Variants in MICAL3 observed in about 807,000 individuals in gnomAD.
The protein encoded by MICAL3 is microtubule associated monooxygenase, calponin and LIM domain containing 3, also known as [F-actin]-monooxygenase MICAL3.
Under a neutral mutation model 207.4 loss-of-function variants are expected in MICAL3, and 62 were observed. The ratio of observed to expected loss-of-function variants is 0.30; its 90% CI spans 0.24 to 0.37. The LOEUF (loss-of-function observed/expected upper bound fraction) is 0.37. Ranked by LOEUF, MICAL3 falls within the 10% of genes least tolerant of loss-of-function variation. The pLI is 1.00. For synonymous variants in MICAL3, 1,077 were observed against 1,069.3 expected (o/e 1.01, Z -0.14); for missense variants, 2,368 against 2,635.6 (o/e 0.90, Z 2.22).
At chr22:17,983,957 T>C (rs1456142536) in intron 1 of MICAL3, among the ~76,000 whole-genome samples, 3 of 152,134 alleles carry the variant, frequency 2.0e-5, no homozygotes, top group African/African-American at 7.2e-5. Flanking sequence ...TATGAAAAAG[T>C]AAATGGGGCA....
intron 16 of MICAL3, chr22:17,876,835 TTA>T (rs1928508981): frequency 2.3e-5 from 3 of 133,064 alleles, no homozygotes; most frequent in East Asian, 2.1e-4. Context: ...GTTATGGAGG[TTA>T]GGGAGGTTAG....
intron 19 of MICAL3, among the ~76,000 whole-genome samples, chr22:17,843,098 G>A (rs1451405772): frequency 8.0e-6 from 1 of 125,242 alleles, no homozygotes; most frequent in Non-Finnish European, 1.6e-5. Flanking sequence ...TCCAGCCTGG[G>A]TGACAAAGCG....
chr22:17,969,568 T>G (rs1935309248), intron 1 of MICAL3, among the ~76,000 whole-genome samples: 1 of 152,182 alleles, frequency 6.6e-6, no homozygotes, highest in African/African-American at 2.4e-5. Flanking sequence ...CCACCTTTAT[T>G]CCTTTTTTGG....
intron 29 of MICAL3, among the ~76,000 whole-genome samples, chr22:17,805,551 AGAGAT>A (rs1341165548): frequency 6.6e-6 from 1 of 152,232 alleles, no homozygotes; most frequent in African/African-American, 2.4e-5. Context: ...ATCTTTGGAT[AGAGAT>A]ATCTGCTGAA....
At chr22:17,810,601 G>T in intron 28 of MICAL3, 102 bp downstream of exon 28, 1 of 952,076 alleles carries the variant, frequency 1.1e-6, no homozygotes, top group Non-Finnish European at 1.6e-6. Context: ...CCTCTGCTCT[G>T]CTCTGCACTG....
At chr22:17,845,221 T>C (rs1188636138) in intron 19 of MICAL3, among the ~76,000 whole-genome samples, 3 of 152,142 alleles carry the variant, frequency 2.0e-5, no homozygotes, top group African/African-American at 7.2e-5. Flanking sequence ...GAACTATCAC[T>C]TCAGGGAAAC....
chr22:17,834,057 T>C (rs1923096821), intron 20 of MICAL3, among the ~76,000 whole-genome samples: 1 of 152,206 alleles, frequency 6.6e-6, no homozygotes. Context: ...CTGTGGGTGA[T>C]TCTGGGAGAC....
rs533955115 is a variant in MICAL3, at chr22:17,860,691, G to T, written c.2605+4208C>A. ...AGGCGGGTGCCCGGCTCTCCGTGGT[G>T]TCCTGGCAGCAGCAGCCCCCTGCGT... On this transcript the variant is annotated intron_variant, in intron 19 of 31. Transcript: ENST00000441493. The T allele has an allele frequency of 1.7e-5, 17 of 985,460 alleles. No individual in the cohort carries two copies. The African/African-American group carries it at 2.1e-4, about 12-fold the overall frequency. The allele number at this position is 985,460 out of a possible 1,614,324, so 61.0% of individuals were successfully genotyped here.
intron 1 of MICAL3, among the ~76,000 whole-genome samples, chr22:17,941,037 C>T (rs976040456): frequency 6.6e-6 from 1 of 152,182 alleles, no homozygotes; most frequent in African/African-American, 2.4e-5. Flanking sequence ...GCATGAGATG[C>T]TCAGTTATGC....
chr22:18,021,289 C>T (rs1482546003), intron 1 of MICAL3, among the ~76,000 whole-genome samples: 1 of 152,236 alleles, frequency 6.6e-6, no homozygotes. Context: ...ACATGGCTGG[C>T]CTGCCCTGTC....
intron 19 of MICAL3, among the ~76,000 whole-genome samples, chr22:17,856,685 A>C (rs1260610612): frequency 7.3e-6 from 1 of 137,832 alleles, no homozygotes; most frequent in Non-Finnish European, 1.5e-5. Flanking sequence ...GCAGTGGCGC[A>C]ATCTCGGCTC....
At chr22:17,878,141 C>T (rs968223952) in intron 16 of MICAL3, among the ~76,000 whole-genome samples, 11 of 152,218 alleles carry the variant, frequency 7.2e-5, no homozygotes, top group Admixed American at 2.6e-4. Context: ...GCCTGAGCCA[C>T]CGCACCCGGC....
chr22:17,982,115 A>T (rs1935937355), intron 1 of MICAL3, among the ~76,000 whole-genome samples: 1 of 151,698 alleles, frequency 6.6e-6, no homozygotes, highest in African/African-American at 2.4e-5. Context: ...AAAAAATAAA[A>T]AAAAAAAAAT....
At chr22:17,967,496 A>ACACACC (rs1935202676) in intron 1 of MICAL3, among the ~76,000 whole-genome samples, 1 of 141,910 alleles carries the variant, frequency 7.0e-6, no homozygotes, top group African/African-American at 2.6e-5. Flanking sequence ...ACACACACCC[A>ACACACC]CACACACCCA....
At chr22:17,821,634 G>T (rs1337324243) in intron 24 of MICAL3, 125 bp from the exon 25 acceptor site, 18 of 760,910 alleles carry the variant, frequency 2.4e-5, no homozygotes, top group Non-Finnish European at 3.4e-5. Context: ...TCGGCTCCCA[G>T]TTCTCCTGGA....
At chr22:17,799,592 C>T in intron 29 of MICAL3, among the ~76,000 whole-genome samples, 1 of 152,178 alleles carries the variant, frequency 6.6e-6, no homozygotes, top group Non-Finnish European at 1.5e-5. Context: ...TTGGTGGGCA[C>T]CACCAATGCC....
intron 19 of MICAL3, among the ~76,000 whole-genome samples, chr22:17,858,063 T>C (rs1181132130): frequency 6.6e-6 from 1 of 152,226 alleles, no homozygotes; most frequent in African/African-American, 2.4e-5. Flanking sequence ...AAAATGGAGC[T>C]GGTGTTCACG....
intron 25 of MICAL3, among the ~76,000 whole-genome samples, chr22:17,819,756 G>A (rs1432994313): frequency 2.0e-5 from 3 of 151,566 alleles, no homozygotes; most frequent in African/African-American, 7.3e-5. Context: ...TGGCTAACAT[G>A]GTGAAATCCC....
In MICAL3 at chr22:17,817,357, G is replaced by A. The variant is rs1172599320; in HGVS notation, c.5304C>T (p.Ala1768=). The A allele has an allele frequency of 6.2e-7, 1 of 1,610,720 alleles. No individual in the cohort carries two copies. ...CCCTGTGCTTTCCAGAGTCCACCGT[G>A]GCCCCGCTGGAGGGGGTGCTGGGGC... ...KSCPSTPSSG[A]TVDSGKHRVL... The change falls in exon 26 of 32, where the codon GCC becomes GCT. Residue 1768 remains alanine, a synonymous_variant. Coordinates refer to ENST00000441493, the MANE Select transcript of MICAL3 (RefSeq NM_015241.3).
Sources: gnomAD v4.1 joint callset for allele counts (sites outside exome capture counted in the v4.1 genomes callset) on GRCh38, gnomAD v4.1.1 for gene constraint, MANE v1.5 for transcripts, NCBI Gene and HGNC (gene_info 2026-07-23, HGNC 2026-07-21) for gene names.